Variants in ELP3 observed in about 807,000 individuals in gnomAD.
ELP3 encodes the protein elongator acetyltransferase complex subunit 3, also known as elongator complex protein 3.
Under a neutral mutation model 74.9 loss-of-function variants are expected in ELP3, and 56 were observed. The ratio of observed to expected loss-of-function variants is 0.75; its 90% CI spans 0.60 to 0.93. The LOEUF is 0.93. Ranked by LOEUF, ELP3 falls within the 40% of genes least tolerant of loss-of-function variation. The pLI, the probability that ELP3 is intolerant of heterozygous loss-of-function variation, is 0.00. For synonymous variants in ELP3, 222 were observed against 239.8 expected, an observed-to-expected ratio of 0.93 and a Z score of 0.68; for missense variants, 573 against 686.5, an observed-to-expected ratio of 0.83 and a Z score of 1.85.
chr8:28,146,203 AG>A (rs1485392493), intron 10 of ELP3, among the ~76,000 whole-genome samples: 3 of 152,184 alleles, frequency 2.0e-5, no homozygotes, highest in Non-Finnish European at 4.4e-5. Context: ...CCAGCCCTGA[AG>A]GGTGCAGTCA....
At chr8:28,162,753 T>C (rs983593259) in intron 14 of ELP3, among the ~76,000 whole-genome samples, 3 of 152,008 alleles carry the variant, frequency 2.0e-5, no homozygotes, top group African/African-American at 7.2e-5. Flanking sequence ...TTTATACGAG[T>C]GCAAAGTCAT....
At chr8:28,161,229 C>T (rs941301347) in intron 13 of ELP3, among the ~76,000 whole-genome samples, 20 of 152,152 alleles carry the variant, frequency 1.3e-4, no homozygotes, top group South Asian at 2.1e-4. Context: ...ATATGATATA[C>T]GAGCCAAAAT....
intron 9 of ELP3, among the ~76,000 whole-genome samples, chr8:28,134,104 T>G (rs1461193233): frequency 2.0e-5 from 3 of 152,186 alleles, no homozygotes; most frequent in Non-Finnish European, 4.4e-5. Context: ...TCCCTCCGCC[T>G]GCCCCCCACC....
Position 28,139,713 on chromosome 8 carries a change from A to C in ELP3, c.1100+1822A>C, listed in dbSNP as rs1459158467. ...CAATCCCAGCATTTTGGGAGGCCGA[A>C]GTGGGCGGATTACCTGAGGTCAGGA... is the stretch of plus-strand genomic sequence containing the variant. On this transcript the variant is annotated intron_variant, in intron 10 of 14. Transcript: ENST00000256398. Among the ~76,000 whole-genome samples the C allele has an allele frequency of 2.0e-5, 3 of 152,040 alleles. No individual in the cohort carries two copies. In the South Asian group the frequency reaches 6.2e-4, roughly 32 times the overall value.
chr8:28,125,538 T>C (rs1297467026), intron 7 of ELP3, among the ~76,000 whole-genome samples: 4 of 152,144 alleles, frequency 2.6e-5, no homozygotes, highest in Non-Finnish European at 5.9e-5. Context: ...AAAAGATAGT[T>C]TCCAGAAGAT....
intron 10 of ELP3, among the ~76,000 whole-genome samples, 198 bp from the exon 11 acceptor site, chr8:28,155,744 A>G (rs186452183): frequency 6.6e-6 from 1 of 152,376 alleles, no homozygotes; most frequent in East Asian, 1.9e-4. Flanking sequence ...GTCAGGGGAA[A>G]TCATAATTTC....
intron 3 of ELP3, among the ~76,000 whole-genome samples, chr8:28,101,663 C>T (rs1221882032): frequency 6.6e-6 from 1 of 150,728 alleles, no homozygotes; most frequent in African/African-American, 2.4e-5. Flanking sequence ...GATCTTGGCT[C>T]ACTGCAACTT....
At chr8:28,179,388 C>T (rs1814903687) in intron 14 of ELP3, among the ~76,000 whole-genome samples, 1 of 152,108 alleles carries the variant, frequency 6.6e-6, no homozygotes, top group Admixed American at 6.5e-5. Context: ...TAGTTGGTAG[C>T]AAGTTGTTCC....
chr8:28,129,612 T>C lies in ELP3; in HGVS notation c.728T>C (p.Leu243Pro), dbSNP rs749662584. Reference protein sequence around the residue: ...SDMLTYGCTRLEIGVQSVYED... With the variant: ...SDMLTYGCTRPEIGVQSVYED... ...ATGTTGACCTATGGCTGCACAAGGC[T>C]GGAGATTGGGGTGCAGAGTGTTTAT... is the stretch of plus-strand genomic sequence containing the variant. The change falls in exon 8 of 15, where the codon CTG becomes CCG. Residue 243 changes from leucine to proline, a missense_variant. Transcript: ENST00000256398. The C allele has an allele frequency of 6.2e-7, 1 of 1,614,196 alleles. No individual in the cohort carries two copies. The highest frequency in any genetic ancestry group is 8.5e-7 in the Non-Finnish European group (1 of 1,180,020).
At chr8:28,144,477 A>G (rs1813357287) in intron 10 of ELP3, among the ~76,000 whole-genome samples, 1 of 152,082 alleles carries the variant, frequency 6.6e-6, no homozygotes, top group Non-Finnish European at 1.5e-5. Context: ...AAAATTAGCC[A>G]GATGAGGTGG....
rs7002190 is a variant in ELP3 at position 28,121,301 on chromosome 8, T to A, written c.617+8128T>A. On this transcript the variant is annotated intron_variant, in intron 7 of 14. Coordinates refer to ENST00000256398, the MANE Select transcript of ELP3 (RefSeq NM_018091.6). ...GTAAATGAAATGTAAATTTCATTTT[T>A]AAATTTTATTATTATTATTATTATT... Among the ~76,000 whole-genome samples, 1,338 of 151,156 alleles carry A rather than the reference T, an allele frequency of 8.9e-3. 22 individuals carry two copies. Among genetic ancestry groups the A allele is most frequent in the African/African-American group, 0.03 (1,237 of 41,408 alleles).
Position 28,137,830 on chromosome 8 carries a change from G to A in ELP3, c.1039G>A (p.Glu347Lys), listed in dbSNP as rs1813052940. ...YKSYSPSDLV[E>K]LVARILALVP... is the part of the protein sequence containing the mutation. ...GAGTTACTCTCCTAGTGACCTGGTT[G>A]AATTGGTGGCTCGGATCCTAGCCCT... The change falls in exon 10 of 15, where the codon GAA (glutamate) becomes AAA (lysine). Residue 347 changes from glutamate to lysine, a missense_variant. By Grantham distance (56) the Glu-to-Lys change is moderately conservative (BLOSUM62 1). Coordinates refer to ENST00000256398, the MANE Select transcript of ELP3 (RefSeq NM_018091.6). The A allele has an allele frequency of 1.9e-6, 3 of 1,614,054 alleles. No homozygotes were observed. Among genetic ancestry groups the A allele is most frequent in the Admixed American group, 3.3e-5 (2 of 59,996 alleles).
intron 1 of ELP3, among the ~76,000 whole-genome samples, chr8:28,096,426 G>T (rs1460392216): frequency 6.6e-6 from 1 of 152,188 alleles, no homozygotes; most frequent in East Asian, 1.9e-4. Context: ...TGCTCTACAG[G>T]TGAGAAGCTT....
At chr8:28,114,946 A>G (rs1042052692) in intron 7 of ELP3, among the ~76,000 whole-genome samples, 23 of 152,174 alleles carry the variant, frequency 1.5e-4, no homozygotes, top group African/African-American at 5.6e-4. Flanking sequence ...CCATCTGATT[A>G]CATCCATCCC....
chr8:28,171,722 A>G (rs1814536573), intron 14 of ELP3, among the ~76,000 whole-genome samples: 2 of 152,122 alleles, frequency 1.3e-5, no homozygotes, highest in Admixed American at 6.6e-5. Flanking sequence ...TTAAGAAACC[A>G]TTGCCAAGGT....
rs935325126 is a variant in ELP3 at position 28,160,383 on chromosome 8, T to G, written c.1412T>G (p.Ile471Arg). 6.2e-7 allele frequency: 1 copy of G among 1,614,102 alleles called. No individual in the cohort carries two copies. Among genetic ancestry groups the G allele is most frequent in the Admixed American group, 1.7e-5 (1 of 60,012 alleles). Residue 471 changes from isoleucine to arginine, a missense_variant, in exon 13 of 15, where the codon ATA becomes AGA. Coordinates refer to ENST00000256398, the MANE Select transcript of ELP3 (RefSeq NM_018091.6). ...TTCGAATTGGGTGGAGGTGTCTCCA[T>G]AGTACGAGAGCTGCATGTGTATGGG... ...FRFELGGGVS[I>R]VRELHVYGSV... is the part of the protein sequence containing the mutation.
intron 3 of ELP3, among the ~76,000 whole-genome samples, chr8:28,103,153 G>C (rs191612752): frequency 3.3e-5 from 5 of 151,938 alleles, no homozygotes; most frequent in African/African-American, 1.2e-4. Flanking sequence ...CTGGGTGACA[G>C]AGCGAGATTC....
chr8:28,106,872 T>C, intron 4 of ELP3, 89 bp downstream of exon 4: 2 of 922,858 alleles, frequency 2.2e-6, no homozygotes, highest in Non-Finnish European at 1.7e-6. Context: ...ATCCTGGTAA[T>C]GTTTAAAACT....
chr8:28,183,889 G>C (rs143350370), intron 14 of ELP3, among the ~76,000 whole-genome samples: 1 of 152,338 alleles, frequency 6.6e-6, no homozygotes, highest in East Asian at 1.9e-4. Context: ...CTCCTCTGGC[G>C]GAGGCAGAGC....
Sources: allele counts gnomAD v4.1 joint callset (sites outside exome capture counted in the v4.1 genomes callset), GRCh38; gene constraint gnomAD v4.1.1; transcripts MANE v1.5; gene names NCBI Gene and HGNC (gene_info 2026-07-23, HGNC 2026-07-21).